TNKS: variants seen among roughly 807,000 people sequenced by gnomAD.
TNKS encodes poly [ADP-ribose] polymerase tankyrase-1.
In TNKS, 72 loss-of-function variants were observed where a neutral mutation model predicts 135.8. The observed-to-expected ratio is 0.53, with a 90% CI of 0.44 to 0.64. The LOEUF is 0.64. TNKS is among the 30% of genes least tolerant of loss of function. The pLI is 0.00. For synonymous variants in TNKS, 849 were observed against 649.3 expected (o/e 1.31, Z -4.68); for missense variants, 1,769 against 1,674.0 (o/e 1.06, Z -0.99).
rs10672387 is a variant in TNKS, at chr8:9,746,881, C to CTTTTTTTTTTTTT, written c.2644-1136_2644-1124dup. Among the ~76,000 whole-genome samples the CTTTTTTTTTTTTT allele has an allele frequency of 8.4e-4, 98 of 117,182 alleles. 5 individuals are homozygous for CTTTTTTTTTTTTT. The highest frequency in any genetic ancestry group is 3.2e-3 in the African/African-American group (89 of 27,532). The allele number at this position is 117,182 out of a possible 152,430, so 76.9% of individuals were successfully genotyped here. On this transcript the variant is annotated intron_variant, in intron 17 of 26. Transcript: ENST00000310430. ...TCTGAGAGTTTCATACCTACTTAAA[C>CTTTTTTTTTTTTT]TTTTTTTTTTTTTTTTTTTGAGACG...
At chr8:9,582,133 G>A (rs1033896679) in intron 2 of TNKS, among the ~76,000 whole-genome samples, 4 of 152,148 alleles carry the variant, frequency 2.6e-5, no homozygotes, top group East Asian at 1.9e-4. Context: ...TGTAAACCCC[G>A]GTATACTTAA....
At chr8:9,666,337 C>T (rs1005747064) in intron 3 of TNKS, among the ~76,000 whole-genome samples, 1 of 152,150 alleles carries the variant, frequency 6.6e-6, no homozygotes, top group Non-Finnish European at 1.5e-5. Flanking sequence ...TTCTACTGGA[C>T]AGCACTTTTC....
At chr8:9,560,493 CTTTTTTTTTTTTTTTTTTT>C (rs535715245) in intron 1 of TNKS, among the ~76,000 whole-genome samples, 1 of 42,286 alleles carries the variant, frequency 2.4e-5, no homozygotes, top group African/African-American at 1.2e-4. Context: ...CCATACTTGT[CTTTTTTTTTTTTTTTTTTT>C]TTTTTTTTTT....
intron 1 of TNKS, among the ~76,000 whole-genome samples, chr8:9,577,948 C>G (rs532900446): frequency 6.6e-6 from 1 of 152,346 alleles, no homozygotes; most frequent in East Asian, 1.9e-4. Context: ...TACTCACATT[C>G]CAAAAGGGAG....
chr8:9,729,168 G>A (rs1805300284), intron 13 of TNKS, among the ~76,000 whole-genome samples: 1 of 152,116 alleles, frequency 6.6e-6, no homozygotes, highest in Non-Finnish European at 1.5e-5. Flanking sequence ...GCTGTGTGAA[G>A]CCTCTTTTAG....
In TNKS at chr8:9,764,680, G is replaced by A. The variant is rs752629865; in HGVS notation, c.3373-36G>A. 17 of 1,507,010 alleles carry A rather than the reference G, an allele frequency of 1.1e-5. No individual in the cohort carries two copies. The South Asian group carries it at 1.8e-4, about 16-fold the overall frequency. The allele number at this position is 1,507,010 out of a possible 1,614,324, so 93.4% of individuals were successfully genotyped here. A position where few individuals can be genotyped will look rare whatever the true frequency, so the allele number is the denominator to read the frequency against. On this transcript the variant is annotated intron_variant, in intron 22 of 26. Coordinates refer to ENST00000310430, the MANE Select transcript of TNKS (RefSeq NM_003747.3). ...CATCATTGTCTAGAATTACACACTG[G>A]GATGTTTTTATAAAATTAGTTATTT... is the stretch of plus-strand genomic sequence containing the variant.
In TNKS at chr8:9,556,102, C is replaced by G; in HGVS notation, c.163C>G (p.Pro55Ala). 6.2e-7 allele frequency: 1 copy of G among 1,600,724 alleles called. No homozygotes were observed. Among genetic ancestry groups the G allele is most frequent in the Non-Finnish European group, 8.5e-7 (1 of 1,174,254 alleles). The change falls in exon 1 of 27, where the codon CCC (proline) becomes GCC (alanine). Residue 55 changes from proline (P) to alanine (A), a missense_variant. This residue lies in a region of TNKS where 450 missense variants were observed against 304.9 expected (regional missense o/e 1.48). Transcript: ENST00000310430. Reference sequence around the variant, plus strand: ...CTCTCCCACGGCCAGCGGCCTGGCCCCCTTCGCCTCCCCGCGGCACGGCCT... The same window carrying G: ...CTCTCCCACGGCCAGCGGCCTGGCCGCCTTCGCCTCCCCGCGGCACGGCCT... ...PASPTASGLA[P>A]FASPRHGLAL...
chr8:9,647,422 A>G (rs915940864), intron 3 of TNKS, among the ~76,000 whole-genome samples: 2 of 152,208 alleles, frequency 1.3e-5, no homozygotes, highest in African/African-American at 4.8e-5. Flanking sequence ...GAATAAGATC[A>G]TTTGGTTTTA....
chr8:9,646,643 A>G (rs1009322286), intron 3 of TNKS, among the ~76,000 whole-genome samples: 4 of 152,234 alleles, frequency 2.6e-5, no homozygotes, highest in African/African-American at 9.6e-5. Context: ...TCAAGGTTAA[A>G]TGGGACCTTG....
rs760646836 is a variant in TNKS, at chr8:9,676,006, ATT to A, written c.995-3923_995-3922del. Among the ~76,000 whole-genome samples the A allele has an allele frequency of 2.4e-3, 312 of 130,782 alleles. 1 individual carries two copies. The highest frequency in any genetic ancestry group is 7.6e-3 in the African/African-American group (263 of 34,658). 85.8% of individuals were successfully genotyped at this position (130,782 alleles called of 152,430 possible). On this transcript the variant is annotated intron_variant, in intron 3 of 26. Transcript: ENST00000310430. ...TAATGGTTGAAAGAGAAAAGTCAGA[ATT>A]TTTTTTTTTTTTTTTTTTTTTGAGA... is the stretch of plus-strand genomic sequence containing the variant.
intron 1 of TNKS, among the ~76,000 whole-genome samples, chr8:9,562,108 C>T (rs570718191): frequency 2.3e-4 from 35 of 152,216 alleles, no homozygotes; most frequent in African/African-American, 8.4e-4. Flanking sequence ...TGACCCACCA[C>T]GCCTGGCCTT....
intron 1 of TNKS, chr8:9,558,552 A>C (rs556846423): frequency 1.3e-5 from 2 of 152,320 alleles, no homozygotes; most frequent in East Asian, 3.9e-4. Flanking sequence ...CGTAATCACC[A>C]ATAAATGATA....
intron 1 of TNKS, among the ~76,000 whole-genome samples, chr8:9,571,038 C>A (rs910171145): frequency 5.3e-5 from 8 of 152,112 alleles, no homozygotes; most frequent in African/African-American, 1.9e-4. Context: ...AAATTACATT[C>A]GGGGGCATTT....
intron 17 of TNKS, among the ~76,000 whole-genome samples, chr8:9,740,648 GTATT>G (rs1805894664): frequency 6.6e-6 from 1 of 152,064 alleles, no homozygotes; most frequent in African/African-American, 2.4e-5. Flanking sequence ...TGAAACTACA[GTATT>G]TAAAGTTACC....
At position 9,778,889 on chromosome 8, in the gene TNKS, C is replaced by G. The variant is rs1363715717; in HGVS notation, c.*2153C>G. On this transcript the variant is annotated 3_prime_UTR_variant, in exon 27 of 27. Transcript: ENST00000310430. ...ATGGCTTCATTAAAAAGATAAACCACTACCTAACTGTGGTTGTATGTTGTT... is the reference window on the plus strand; with the variant it reads ...ATGGCTTCATTAAAAAGATAAACCAGTACCTAACTGTGGTTGTATGTTGTT... The G allele has an allele frequency of 6.6e-6, 1 of 152,210 alleles. No individual in the cohort carries two copies. The highest frequency in any genetic ancestry group is 2.4e-5 in the African/African-American group (1 of 41,454). 9.4% of individuals were successfully genotyped at this position (152,210 alleles called of 1,614,324 possible). A position where few individuals can be genotyped will look rare whatever the true frequency, so the allele number is the denominator to read the frequency against.
chr8:9,770,649 TTGTC>T (rs1251559564), intron 26 of TNKS, among the ~76,000 whole-genome samples: 2 of 152,256 alleles, frequency 1.3e-5, no homozygotes, highest in East Asian at 3.9e-4. Flanking sequence ...CAAAAACAAT[TTGTC>T]TGAATGTAAG....
chr8:9,776,876 A>G lies in TNKS; in HGVS notation c.*140A>G, dbSNP rs945424125. On this transcript the variant is annotated 3_prime_UTR_variant, in exon 27 of 27. Transcript: ENST00000310430. Reference sequence around the variant, plus strand: ...TGTTTGTCTTCTATAAAGCATTGCTATAGTGATGAATAGTATGAGTAACTG... The same window carrying G: ...TGTTTGTCTTCTATAAAGCATTGCTGTAGTGATGAATAGTATGAGTAACTG... 8.4e-6 allele frequency: 6 copies of G among 711,344 alleles called. 1 individual carries two copies. The highest frequency in any genetic ancestry group is 5.3e-5 in the African/African-American group (3 of 56,180). 44.1% of individuals were successfully genotyped at this position (711,344 alleles called of 1,614,324 possible). A position where few individuals can be genotyped will look rare whatever the true frequency, so the allele number is the denominator to read the frequency against.
intron 20 of TNKS, among the ~76,000 whole-genome samples, chr8:9,754,465 T>C (rs1476537561): frequency 1.3e-5 from 2 of 152,210 alleles, no homozygotes; most frequent in Non-Finnish European, 1.5e-5. Context: ...AGGTCTTTTT[T>C]CTTATTTATA....
chr8:9,617,890 TTA>T (rs1291468786), intron 3 of TNKS, among the ~76,000 whole-genome samples: 4 of 152,222 alleles, frequency 2.6e-5, no homozygotes, highest in Non-Finnish European at 5.9e-5. Flanking sequence ...TCTCATCGTT[TTA>T]TGTTATTACT....
Sources: allele counts gnomAD v4.1 joint callset (sites outside exome capture counted in the v4.1 genomes callset), GRCh38; gene constraint gnomAD v4.1.1; regional missense constraint gnomAD v4.1.1; transcripts MANE v1.5; gene names NCBI Gene and HGNC (gene_info 2026-07-23, HGNC 2026-07-21).